UNKL: variants seen among roughly 807,000 people sequenced by gnomAD.
UNKL encodes the protein unk like zinc finger.
A neutral mutation model predicts 78.0 loss-of-function variants in UNKL; 60 were observed. That is an observed-to-expected ratio of 0.77 (90% confidence interval 0.63 to 0.95). The LOEUF (loss-of-function observed/expected upper bound fraction) is 0.95. UNKL is among the 40% of genes least tolerant of loss of function. The pLI is 0.00. For missense variants in UNKL, 1,159 were observed against 1,045.7 expected (o/e 1.11, Z -1.49); for synonymous variants, 608 against 474.8 (o/e 1.28, Z -3.65).
At chr16:1,405,249 G>A (rs1339624980) in intron 2 of UNKL, among the ~76,000 whole-genome samples, 1 of 148,954 alleles carries the variant, frequency 6.7e-6, no homozygotes, top group Non-Finnish European at 1.5e-5. Flanking sequence ...AGGGAGGGAG[G>A]GAGAGGAAAG....
intron 11 of UNKL, among the ~76,000 whole-genome samples, chr16:1,370,848 C>T (rs890881817): frequency 1.3e-5 from 2 of 152,232 alleles, no homozygotes; most frequent in African/African-American, 4.8e-5. Flanking sequence ...CTTTGGGAGG[C>T]CAAGGCGGGC....
chr16:1,376,994 C>G (rs1217077173), intron 10 of UNKL, among the ~76,000 whole-genome samples: 1 of 152,024 alleles, frequency 6.6e-6, no homozygotes, highest in Non-Finnish European at 1.5e-5. Flanking sequence ...GGTGCGACGC[C>G]TGGGGTTCAG....
At position 1,414,001 on chromosome 16, in the gene UNKL, G is replaced by A. The variant is rs145680137; in HGVS notation, c.132C>T (p.Cys44=). ...AGCAGGTGAACGGCCGGTGCTGCGC[G>A]CACTTGTGCTGTGAAAACAGGGGGC... is the stretch of plus-strand genomic sequence containing the variant. The part of the protein sequence containing the change: ...EQCPLFSQHK[C]AQHRPFTCFH... The change falls in exon 2 of 15, where the codon TGC becomes TGT. Residue 44 remains cysteine (C), a synonymous_variant. Coordinates refer to ENST00000389221, the MANE Select transcript of UNKL (RefSeq NM_001372107.1). 8.3e-4 allele frequency: 1,291 copies of A among 1,551,722 alleles called. No individual in the cohort carries two copies. The highest frequency in any genetic ancestry group is 1.1e-3 in the Non-Finnish European group (1,224 of 1,147,392).
chr16:1,369,531 G>A (rs1021004157), intron 12 of UNKL, among the ~76,000 whole-genome samples: 2 of 151,744 alleles, frequency 1.3e-5, no homozygotes, highest in South Asian at 2.1e-4. Flanking sequence ...CACCACACCC[G>A]GCTAATTTTG....
rs1038326897 is a variant in UNKL at position 1,363,541 on chromosome 16, C to T, written c.*2699G>A. On this transcript the variant is annotated 3_prime_UTR_variant, in exon 15 of 15. Transcript: ENST00000389221. ...GAACACTAGAGTTACAGACGACAGG[C>T]AACAAGAACATGCAGAGCCGGCCGC... 20 of 248,058 alleles carry T rather than the reference C, an allele frequency of 8.1e-5. No individual in the cohort carries two copies. The highest frequency in any genetic ancestry group is 3.9e-4 in the African/African-American group (17 of 43,652). 15.4% of individuals were successfully genotyped at this position (248,058 alleles called of 1,614,324 possible). A position where few individuals can be genotyped will look rare whatever the true frequency, so the allele number is the denominator to read the frequency against.
Position 1,374,893 on chromosome 16 carries a change from G to A in UNKL, c.1265-3282C>T, listed in dbSNP as rs75126800. Among the ~76,000 whole-genome samples the A allele has an allele frequency of 8.5e-3, 1,298 of 152,354 alleles. 19 individuals carry two copies. The highest frequency in any genetic ancestry group is 0.03 in the African/African-American group (1,251 of 41,584). ...TTTCCAGACATTTTCAGCATAATCA[G>A]CAGGAAAGGCAGGAGGGTGACTTCT... On this transcript the variant is annotated intron_variant, in intron 10 of 14. Transcript: ENST00000389221.
Position 1,399,200 on chromosome 16 carries a change from G to A in UNKL, c.734+174C>T. On this transcript the variant is annotated intron_variant, in intron 5 of 14. Coordinates refer to ENST00000389221, the MANE Select transcript of UNKL (RefSeq NM_001372107.1). This position sits in a 1 kb window ranked among gnomAD's most constrained non-coding sequence, Gnocchi z 5.8. ...GGCCCATCCCCAGGACAGACGCGTGGGCCTCCATGGCACCTCCCACAGCCA... is the reference window on the plus strand; with the variant it reads ...GGCCCATCCCCAGGACAGACGCGTGAGCCTCCATGGCACCTCCCACAGCCA... 1 of 1,206,638 alleles carries A rather than the reference G, an allele frequency of 8.3e-7. No individual in the cohort carries two copies. The allele number at this position is 1,206,638 out of a possible 1,614,324, so 74.7% of individuals were successfully genotyped here.
intron 4 of UNKL, 60 bp downstream of exon 4, chr16:1,401,508 C>G (rs1240530440): frequency 2.1e-6 from 3 of 1,426,550 alleles, no homozygotes; most frequent in African/African-American, 1.4e-5. Flanking sequence ...GTGGCCCGAG[C>G]TGTTCTCGCG....
intron 3 of UNKL, among the ~76,000 whole-genome samples, chr16:1,402,386 G>A (rs539588744): frequency 6.6e-6 from 1 of 152,388 alleles, no homozygotes; most frequent in East Asian, 1.9e-4. Flanking sequence ...CCAGAGGCCA[G>A]GTGCAGCGGC....
intron 13 of UNKL, 86 bp downstream of exon 13, chr16:1,367,561 TCCCTCCCTC>T: frequency 3.4e-6 from 1 of 298,312 alleles, no homozygotes; most frequent in South Asian, 2.6e-5. Flanking sequence ...CCTGCGGCCC[TCCCTCCCTC>T]CCCTCCCATC....
chr16:1,370,466 G>T, intron 11 of UNKL, 109 bp from the exon 12 acceptor site: 429 of 1,273,812 alleles, frequency 3.4e-4, no homozygotes, highest in Middle Eastern at 5.5e-4. Flanking sequence ...TGGTGGTGGG[G>T]ATATGGGGGG....
intron 1 of UNKL, among the ~76,000 whole-genome samples, chr16:1,414,339 C>T (rs2038181497): frequency 1.3e-5 from 2 of 152,256 alleles, no homozygotes; most frequent in East Asian, 3.9e-4. Flanking sequence ...AGCAGAGGGT[C>T]CCGGTCCCCG....
At chr16:1,367,380 CACCT>C in intron 13 of UNKL, 31 bp from the exon 14 acceptor site, 1 of 1,518,264 alleles carries the variant, frequency 6.6e-7, no homozygotes, top group Non-Finnish European at 8.8e-7. Context: ...CAGCACCCCC[CACCT>C]CACCTGTGCC....
intron 7 of UNKL, among the ~76,000 whole-genome samples, chr16:1,393,607 G>T (rs2037139554): frequency 6.6e-6 from 1 of 152,218 alleles, no homozygotes; most frequent in East Asian, 1.9e-4. Flanking sequence ...CTCATCCCCT[G>T]GACAGCAAAC....
At chr16:1,376,390 G>C (rs1313267594) in intron 10 of UNKL, among the ~76,000 whole-genome samples, 1 of 144,540 alleles carries the variant, frequency 6.9e-6, no homozygotes, top group African/African-American at 2.6e-5. Context: ...CCAGGGCTGG[G>C]GCACTCCTCC....
intron 10 of UNKL, chr16:1,379,669 C>T (rs1223215542): frequency 1.0e-6 from 1 of 984,434 alleles, no homozygotes; most frequent in African/African-American, 1.8e-5. Flanking sequence ...CCCGCGCCGC[C>T]GCCGGGGATT....
At chr16:1,375,499 C>A (rs935131197) in intron 10 of UNKL, among the ~76,000 whole-genome samples, 2 of 152,226 alleles carry the variant, frequency 1.3e-5, no homozygotes, top group Admixed American at 6.5e-5. Context: ...TTCCCCATCC[C>A]GTCACAGAGG....
Position 1,367,643 on chromosome 16 carries a change from C to A in UNKL, c.1788+13G>T. 2 of 1,516,634 alleles carry A rather than the reference C, an allele frequency of 1.3e-6. No homozygotes were observed. Among genetic ancestry groups the A allele is most frequent in the Non-Finnish European group, 8.9e-7 (1 of 1,129,220 alleles). The allele number at this position is 1,516,634 out of a possible 1,614,324, so 93.9% of individuals were successfully genotyped here. A position where few individuals can be genotyped will look rare whatever the true frequency, so the allele number is the denominator to read the frequency against. The stretch of plus-strand genomic sequence containing the variant: ...CCCTCCCCCTCACCTGTCTGGCCCC[C>A]CCACACACTCACCTGCTTCACCTGC... On this transcript the variant is annotated intron_variant, in intron 13 of 14. Coordinates refer to ENST00000389221, the MANE Select transcript of UNKL (RefSeq NM_001372107.1).
rs2037601976 is a variant in UNKL at position 1,403,092 on chromosome 16, T to C, written c.464+76A>G. On this transcript the variant is annotated intron_variant, in intron 3 of 14. Transcript: ENST00000389221. This position sits in a 1 kb window ranked among gnomAD's most constrained non-coding sequence, Gnocchi z 4.8. ...CTGCAGCAGCAGGGAGGCGAGCCAC[T>C]TGCCGAGTTCCTGCTCATCCAGCAG... 2 of 1,489,498 alleles carry C rather than the reference T, an allele frequency of 1.3e-6. No homozygotes were observed. Among genetic ancestry groups the C allele is most frequent in the Non-Finnish European group, 1.8e-6 (2 of 1,117,176 alleles). 92.3% of individuals were successfully genotyped at this position (1,489,498 alleles called of 1,614,324 possible). A position where few individuals can be genotyped will look rare whatever the true frequency, so the allele number is the denominator to read the frequency against.
Sources: gnomAD v4.1 joint callset for allele counts (sites outside exome capture counted in the v4.1 genomes callset) on GRCh38, gnomAD v4.1.1 for gene constraint, Gnocchi (gnomAD v3.1) non-coding constraint, MANE v1.5 for transcripts, NCBI Gene and HGNC (gene_info 2026-07-23, HGNC 2026-07-21) for gene names.